SPATA6: variants seen among roughly 807,000 people sequenced by gnomAD.
SPATA6 encodes the protein spermatogenesis-associated protein 6.
In SPATA6, 56 loss-of-function variants were observed where a neutral mutation model predicts 65.3. The observed-to-expected ratio is 0.86, with a 90% CI of 0.69 to 1.07. The LOEUF (loss-of-function observed/expected upper bound fraction) is 1.07, where lower values mean the gene tolerates loss of function less well. Ranked by LOEUF, SPATA6 falls within the 50% of genes least tolerant of loss-of-function variation. SPATA6 has a pLI of 0.00. For missense variants in SPATA6, 590 were observed against 594.8 expected, an observed-to-expected ratio of 0.99 and a Z score of 0.08; for synonymous variants, 199 against 213.2, an observed-to-expected ratio of 0.93 and a Z score of 0.58.
At chr1:48,263,776 G>A in the SPATA6 span, among the ~76,000 whole-genome samples, 2 of 152,074 alleles carry the variant, frequency 1.3e-5, no homozygotes, top group Admixed American at 6.6e-5. Flanking sequence ...TATTTCATCT[G>A]CTAAACTACG....
intron 9 of SPATA6, among the ~76,000 whole-genome samples, chr1:48,372,732 T>C (rs1647428202): frequency 6.6e-6 from 1 of 152,240 alleles, no homozygotes; most frequent in South Asian, 2.1e-4. Context: ...CCATACATCT[T>C]CTGAAAACTA....
At chr1:48,384,326 G>GAGGGAC (rs1253929304) in intron 9 of SPATA6, among the ~76,000 whole-genome samples, 1,767 of 90,026 alleles carry the variant, frequency 0.02, 246 homozygotes, top group African/African-American at 0.05. Context: ...GGAGACCGTG[G>GAGGGAC]AGGGACAGGG....
chr1:48,370,627 C>G (rs948876331), intron 9 of SPATA6, among the ~76,000 whole-genome samples: 2 of 152,228 alleles, frequency 1.3e-5, no homozygotes, highest in African/African-American at 4.8e-5. Context: ...GGGAACCCCT[C>G]CCCTCTTAGA....
At chr1:48,361,999 A>T (rs1646827993) in intron 9 of SPATA6, among the ~76,000 whole-genome samples, 1 of 152,196 alleles carries the variant, frequency 6.6e-6, no homozygotes. Context: ...AGAAAAAAAT[A>T]AAATTGCTCC....
chr1:48,363,577 T>C (rs1646887187), intron 9 of SPATA6, among the ~76,000 whole-genome samples: 1 of 152,106 alleles, frequency 6.6e-6, no homozygotes, highest in Admixed American at 6.6e-5. Flanking sequence ...GTGTATAGCA[T>C]TTATACTTCA....
chr1:48,436,056 C>G, intron 3 of SPATA6: 2 of 1,609,158 alleles, frequency 1.2e-6, no homozygotes, highest in Non-Finnish European at 1.7e-6. Context: ...TCCATCAATA[C>G]TTGGTTGATG....
At chr1:48,404,558 G>T (rs1651509932) in intron 5 of SPATA6, among the ~76,000 whole-genome samples, 1 of 151,902 alleles carries the variant, frequency 6.6e-6, no homozygotes, top group Non-Finnish European at 1.5e-5. Flanking sequence ...ATGCAGGCTG[G>T]TGTCAAACTC....
intron 9 of SPATA6, among the ~76,000 whole-genome samples, chr1:48,364,943 A>G (rs1646949173): frequency 6.6e-6 from 1 of 152,208 alleles, no homozygotes; most frequent in South Asian, 2.1e-4. Context: ...TCTTACATGT[A>G]AGTCTTTAAT....
intron 3 of SPATA6, among the ~76,000 whole-genome samples, chr1:48,442,737 A>C (rs895399353): frequency 3.4e-5 from 5 of 148,902 alleles, no homozygotes; most frequent in African/African-American, 9.7e-5. Context: ...AAAAAAAAAA[A>C]AAAAAAAACA....
intron 5 of SPATA6, among the ~76,000 whole-genome samples, chr1:48,409,751 AC>A (rs1400466102): frequency 6.6e-6 from 1 of 152,208 alleles, no homozygotes; most frequent in Admixed American, 6.5e-5. Context: ...TGAGGCCTGC[AC>A]CCTCTGAAGC....
chr1:48,413,224 G>A, intron 3 of SPATA6, 73 bp from the exon 4 acceptor site: 1 of 746,876 alleles, frequency 1.3e-6, no homozygotes, highest in Non-Finnish European at 2.0e-6. Flanking sequence ...TACCATGGGA[G>A]TGTCTAAAAG....
chr1:48,467,504 T>A lies in SPATA6; in HGVS notation c.51+4454A>T, dbSNP rs559540368. Among the ~76,000 whole-genome samples, 12 of 152,234 alleles carry A rather than the reference T, an allele frequency of 7.9e-5. No homozygotes were observed. In the South Asian group the frequency reaches 2.5e-3, roughly 32 times the overall value. ...AAGGTAATGTCCACAAAAAGATTTT[T>A]ACAAGAATGAATATTCATAATAGTA... On this transcript the variant is annotated intron_variant, in intron 1 of 12. Transcript: ENST00000371847.
chr1:48,301,111 A>G (rs1223343980), intron 12 of SPATA6, among the ~76,000 whole-genome samples: 2 of 152,160 alleles, frequency 1.3e-5, no homozygotes, highest in African/African-American at 4.8e-5. Flanking sequence ...TCCCTTCCAT[A>G]GAAAACATGA....
intron 3 of SPATA6, among the ~76,000 whole-genome samples, chr1:48,428,270 C>A (rs1476312164): frequency 6.6e-6 from 1 of 152,132 alleles, no homozygotes; most frequent in Non-Finnish European, 1.5e-5. Context: ...GCCTGACCAA[C>A]ATGGAGAAAC....
intron 3 of SPATA6, among the ~76,000 whole-genome samples, chr1:48,449,334 T>C (rs1035761719): frequency 1.3e-5 from 2 of 152,210 alleles, no homozygotes; most frequent in Non-Finnish European, 2.9e-5. Flanking sequence ...TTATCATTCT[T>C]AGCATCACTA....
chr1:48,447,835 A>G (rs1656201088), intron 3 of SPATA6: 2 of 152,202 alleles, frequency 1.3e-5, no homozygotes, highest in African/African-American at 4.8e-5. Flanking sequence ...AAATTAGACA[A>G]TATCTTAAAA....
intron 10 of SPATA6, among the ~76,000 whole-genome samples, chr1:48,356,265 A>T (rs1240235077): frequency 2.6e-5 from 4 of 152,074 alleles, no homozygotes; most frequent in Non-Finnish European, 4.4e-5. Context: ...ATATAACTTT[A>T]TTATTAGAGT....
intron 11 of SPATA6, among the ~76,000 whole-genome samples, chr1:48,341,835 C>G (rs1570208474): frequency 1.3e-5 from 2 of 152,090 alleles, no homozygotes; most frequent in African/African-American, 4.8e-5. Context: ...AATTTGCAGG[C>G]AGAAGCCATG....
intron 11 of SPATA6, among the ~76,000 whole-genome samples, chr1:48,322,966 G>A (rs144373149): frequency 0.024 from 3,601 of 152,298 alleles, 38 homozygotes; most frequent in South Asian, 0.059. Context: ...CTTTTACACT[G>A]TTGGTAGGAG....
Sources: allele counts gnomAD v4.1 joint callset (sites outside exome capture counted in the v4.1 genomes callset), GRCh38; gene constraint gnomAD v4.1.1; transcripts MANE v1.5; gene names NCBI Gene and HGNC (gene_info 2026-07-23, HGNC 2026-07-21).